The following PSMB7 variants were observed in gnomAD, a reference collection of about 807,000 sequenced individuals.
The protein encoded by PSMB7 is proteasome 20S subunit beta 7.
PSMB7 carries 5 observed loss-of-function variants against 28.1 expected under a neutral mutation model. The ratio of observed to expected loss-of-function variants is 0.18; its 90% CI spans 0.09 to 0.37. PSMB7 has a LOEUF of 0.37. PSMB7 is among the 10% of genes least tolerant of loss of function. The probability of loss-of-function intolerance (pLI) is 1.00; values close to 1 mark genes in which losing one functional copy is unlikely to be tolerated. For missense variants in PSMB7, 275 were observed against 346.2 expected (o/e 0.79, Z 1.63); for synonymous variants, 122 against 123.7 (o/e 0.99, Z 0.09).
At chr9:124,412,651 C>A (rs973006879) in intron 3 of PSMB7, among the ~76,000 whole-genome samples, 159 bp from the exon 4 acceptor site, 1 of 152,166 alleles carries the variant, frequency 6.6e-6, no homozygotes, top group Non-Finnish European at 1.5e-5. Flanking sequence ...CTTAAATAAA[C>A]AGAAAATTGA....
intron 6 of PSMB7, among the ~76,000 whole-genome samples, chr9:124,368,868 C>T (rs1282912554): frequency 6.6e-6 from 1 of 152,156 alleles, no homozygotes; most frequent in Non-Finnish European, 1.5e-5. Flanking sequence ...CAAACTGGGG[C>T]TACAGGGGTT....
At chr9:124,410,972 CTTTTT>C (rs547240004) in intron 4 of PSMB7, among the ~76,000 whole-genome samples, 6 of 147,668 alleles carry the variant, frequency 4.1e-5, no homozygotes, top group Admixed American at 6.8e-5. Context: ...GAAATCTAGA[CTTTTT>C]TTTTTTCTTT....
intron 6 of PSMB7, among the ~76,000 whole-genome samples, chr9:124,357,811 G>A (rs890940116): frequency 1.3e-5 from 2 of 152,196 alleles, no homozygotes; most frequent in Non-Finnish European, 2.9e-5. Context: ...CCTGACCCAA[G>A]TAAGTACAAT....
chr9:124,405,695 T>A (rs1244484845), intron 4 of PSMB7, among the ~76,000 whole-genome samples: 3 of 152,076 alleles, frequency 2.0e-5, no homozygotes, highest in Non-Finnish European at 4.4e-5. Context: ...TATTATTATT[T>A]TTTTGAGACA....
intron 4 of PSMB7, among the ~76,000 whole-genome samples, chr9:124,409,499 G>A (rs1359597408): frequency 6.6e-6 from 1 of 152,150 alleles, no homozygotes. Flanking sequence ...TAAAGGCAGT[G>A]CTTAAGTAAG....
At chr9:124,375,407 G>T (rs1011365930) in intron 6 of PSMB7, among the ~76,000 whole-genome samples, 1 of 152,034 alleles carries the variant, frequency 6.6e-6, no homozygotes, top group African/African-American at 2.4e-5. Context: ...CAACCGATCC[G>T]CCCGTCTTGG....
intron 6 of PSMB7, chr9:124,383,695 C>T (rs944352120): frequency 1.3e-5 from 2 of 152,156 alleles, no homozygotes; most frequent in Non-Finnish European, 2.9e-5. Context: ...GGTCCCTAAA[C>T]AATACTGCGA....
chr9:124,415,008 A>G, intron 1 of PSMB7, 73 bp from the exon 2 acceptor site: 1 of 1,004,008 alleles, frequency 1.0e-6, no homozygotes. Flanking sequence ...AAAAGTGCCT[A>G]ACAGAGAACT....
chr9:124,370,521 T>A (rs111720566), intron 6 of PSMB7, among the ~76,000 whole-genome samples: 2 of 152,022 alleles, frequency 1.3e-5, no homozygotes, highest in African/African-American at 4.8e-5. Flanking sequence ...CTTTCCCCCC[T>A]TGAGTTGATA....
chr9:124,400,218 G>A (rs982576802), intron 5 of PSMB7, among the ~76,000 whole-genome samples: 1 of 152,142 alleles, frequency 6.6e-6, no homozygotes, highest in African/African-American at 2.4e-5. Flanking sequence ...CGGGGGTAAG[G>A]GGTGCATTGC....
In PSMB7 at chr9:124,366,088, A is replaced by G. The variant is rs1830504275; in HGVS notation, c.571-9173T>C. On this transcript the variant is annotated intron_variant, in intron 6 of 7. Transcript: ENST00000259457. ...GTTTTTAACAAAACATCTAAAAGGTAAAAAAATTAAAAAAAAATTTTTTTA... is the reference window on the plus strand; with the variant it reads ...GTTTTTAACAAAACATCTAAAAGGTGAAAAAATTAAAAAAAAATTTTTTTA... 3.2e-5 allele frequency among the ~76,000 whole-genome samples: 4 copies of G among 126,844 alleles called. No homozygotes were observed. In the South Asian group the frequency reaches 1.0e-3, roughly 32 times the overall value. 83.2% of individuals were successfully genotyped at this position (126,844 alleles called of 152,430 possible). A position where few individuals can be genotyped will look rare whatever the true frequency, so the allele number is the denominator to read the frequency against.
At chr9:124,389,187 G>A (rs1830758808) in intron 5 of PSMB7, among the ~76,000 whole-genome samples, 1 of 152,110 alleles carries the variant, frequency 6.6e-6, no homozygotes. Context: ...AGGAAAAAGG[G>A]CCTTAAAAAC....
At chr9:124,364,060 C>A (rs571592050) in intron 6 of PSMB7, among the ~76,000 whole-genome samples, 3 of 152,158 alleles carry the variant, frequency 2.0e-5, no homozygotes, top group Non-Finnish European at 4.4e-5. Context: ...ACAAACAGGA[C>A]GGTTAGCACG....
intron 5 of PSMB7, among the ~76,000 whole-genome samples, chr9:124,403,888 T>A (rs1360346897): frequency 5.0e-5 from 2 of 39,806 alleles, no homozygotes; most frequent in African/African-American, 9.3e-5. Flanking sequence ...GTCCTGACAT[T>A]TTTTTTTTTT....
At chr9:124,413,627 G>A (rs534883582) in intron 3 of PSMB7, among the ~76,000 whole-genome samples, 1 of 152,018 alleles carries the variant, frequency 6.6e-6, no homozygotes. Flanking sequence ...AAAAGAAAAA[G>A]AAAAAAGAAC....
At chr9:124,382,200 CTTTTTTTTTTTTT>C (rs1164339420) in intron 6 of PSMB7, among the ~76,000 whole-genome samples, 7 of 55,978 alleles carry the variant, frequency 1.3e-4, no homozygotes, top group Admixed American at 6.2e-4. Flanking sequence ...TCTCTTTTCT[CTTTTTTTTTTTTT>C]TTTTTTTTTT....
At chr9:124,388,201 A>C (rs1211896753) in intron 5 of PSMB7, among the ~76,000 whole-genome samples, 1 of 152,258 alleles carries the variant, frequency 6.6e-6, no homozygotes. Context: ...TTATTCCAAA[A>C]GCAGAGACAT....
intron 6 of PSMB7, among the ~76,000 whole-genome samples, chr9:124,362,086 T>C (rs544142149): frequency 6.6e-6 from 1 of 152,324 alleles, no homozygotes; most frequent in East Asian, 1.9e-4. Flanking sequence ...AGGCAAAATA[T>C]TAAATATGCA....
intron 3 of PSMB7, among the ~76,000 whole-genome samples, chr9:124,413,621 G>T (rs1351900486): frequency 6.6e-6 from 1 of 152,036 alleles, no homozygotes; most frequent in Non-Finnish European, 1.5e-5. Flanking sequence ...TTGAAAAAAA[G>T]AAAAAGAAAA....
Sources: gnomAD v4.1 joint callset for allele counts (sites outside exome capture counted in the v4.1 genomes callset) on GRCh38, gnomAD v4.1.1 for gene constraint, MANE v1.5 for transcripts, NCBI Gene and HGNC (gene_info 2026-07-23, HGNC 2026-07-21) for gene names.